The following STK17A variants were observed in gnomAD, a reference collection of about 807,000 sequenced individuals.
STK17A encodes the protein serine/threonine-protein kinase 17A.
A neutral mutation model predicts 43.7 loss-of-function variants in STK17A; 26 were observed. The ratio of observed to expected loss-of-function variants is 0.60; its 90% confidence interval spans 0.44 to 0.83. The LOEUF is 0.83. Ranked by LOEUF, STK17A falls within the 40% of genes least tolerant of loss-of-function variation. The pLI, the probability that STK17A is intolerant of heterozygous loss-of-function variation, is 0.00. For synonymous variants in STK17A, 191 were observed against 182.5 expected, an observed-to-expected ratio of 1.05 and a Z score of -0.38; for missense variants, 476 against 511.6, an observed-to-expected ratio of 0.93 and a Z score of 0.67.
intron 1 of STK17A, among the ~76,000 whole-genome samples, chr7:43,593,899 C>G (rs192304667): frequency 6.6e-6 from 1 of 151,980 alleles, no homozygotes; most frequent in East Asian, 1.9e-4. Flanking sequence ...GATAAAAATT[C>G]AAGGTGGAAA....
At chr7:43,591,722 G>A (rs1440509661) in intron 1 of STK17A, among the ~76,000 whole-genome samples, 2 of 151,398 alleles carry the variant, frequency 1.3e-5, no homozygotes, top group African/African-American at 2.4e-5. Context: ...TGGCTGTTCT[G>A]TAACAGGGCT....
intron 1 of STK17A, among the ~76,000 whole-genome samples, chr7:43,586,359 T>TA (rs1447067367): frequency 6.6e-6 from 1 of 151,536 alleles, no homozygotes; most frequent in Non-Finnish European, 1.5e-5. Context: ...GATTCCAGAG[T>TA]AATGACAGGA....
intron 1 of STK17A, among the ~76,000 whole-genome samples, chr7:43,584,569 T>G (rs1344863730): frequency 6.6e-6 from 1 of 152,208 alleles, no homozygotes; most frequent in Admixed American, 6.5e-5. Flanking sequence ...GGAACAGCCT[T>G]CAGCTGGGGT....
intron 2 of STK17A, among the ~76,000 whole-genome samples, chr7:43,607,098 T>G (rs2082604603): frequency 6.6e-6 from 1 of 151,534 alleles, no homozygotes; most frequent in Non-Finnish European, 1.5e-5. Context: ...TAATTTTGTA[T>G]TTTTAGTAGA....
chr7:43,623,339 G>C, intron 4 of STK17A: 1 of 446,132 alleles, frequency 2.2e-6, no homozygotes, highest in Non-Finnish European at 3.9e-6. Flanking sequence ...TAAATATTTT[G>C]TAAAATACTA....
Position 43,593,451 on chromosome 7 carries a change from A to C in STK17A, c.207-2450A>C, listed in dbSNP as rs532081732. Among the ~76,000 whole-genome samples the C allele has an allele frequency of 7.5e-4, 115 of 152,330 alleles. 3 individuals carry two copies. In the South Asian group the frequency reaches 0.023, roughly 31 times the overall value. On this transcript the variant is annotated intron_variant, in intron 1 of 6. Transcript: ENST00000319357. ...AAGTCAAATGGTAGTTCTTTGAGAA[A>C]TCTCTAAACTACTTTCCATAGTGGC...
At chr7:43,608,662 C>G (rs904791764) in intron 3 of STK17A, 1 of 278,464 alleles carries the variant, frequency 3.6e-6, no homozygotes, top group Non-Finnish European at 6.6e-6. Flanking sequence ...TGAGCTAGAT[C>G]TTTTGAAAAG....
chr7:43,599,811 A>C (rs2082543860), intron 2 of STK17A, among the ~76,000 whole-genome samples: 1 of 152,198 alleles, frequency 6.6e-6, no homozygotes, highest in African/African-American at 2.4e-5. Flanking sequence ...ACCAATCATT[A>C]ACTTTAAATC....
intron 2 of STK17A, among the ~76,000 whole-genome samples, chr7:43,607,133 C>T (rs1015960378): frequency 5.3e-5 from 8 of 151,170 alleles, no homozygotes; most frequent in African/African-American, 1.7e-4. Flanking sequence ...ATGTTGGTCA[C>T]GCTGGTCTGG....
chr7:43,608,595 A>C, intron 3 of STK17A, 195 bp downstream of exon 3: 2 of 525,554 alleles, frequency 3.8e-6, no homozygotes, highest in South Asian at 3.1e-5. Context: ...GTACATGGAA[A>C]GATACAAAAT....
rs2082413307 is a variant in STK17A at position 43,583,304 on chromosome 7, G to A, written c.61G>A (p.Gly21Ser). 2 of 1,516,724 alleles carry A rather than the reference G, an allele frequency of 1.3e-6. No homozygotes were observed. The highest frequency in any genetic ancestry group is 1.4e-5 in the African/African-American group (1 of 69,540). 94.0% of individuals were successfully genotyped at this position (1,516,724 alleles called of 1,614,324 possible). The change falls in exon 1 of 7, where the codon GGC becomes AGC. Residue 21 changes from glycine to serine, a missense_variant. Around this residue, in one of 3 missense-constraint regions of STK17A, gnomAD observed 320 missense variants for 326.3 expected, o/e 0.98. Transcript: ENST00000319357. ...CTCCCCAGGCGCCACCTCAGGCTCG[G>A]GCCGGGCAGGCCGGGGTCTGAGCGG... Reference protein sequence around the residue: ...GSSPGATSGSGRAGRGLSGPC... With the variant: ...GSSPGATSGSSRAGRGLSGPC...
In STK17A at chr7:43,626,798, G is replaced by C. The variant is rs1252798991; in HGVS notation, c.*1956G>C. 6.6e-6 allele frequency: 1 copy of C among 152,122 alleles called. No individual in the cohort carries two copies. The highest frequency in any genetic ancestry group is 1.5e-5 in the Non-Finnish European group (1 of 68,010). 9.4% of individuals were successfully genotyped at this position (152,122 alleles called of 1,614,324 possible). A position where few individuals can be genotyped will look rare whatever the true frequency, so the allele number is the denominator to read the frequency against. On this transcript the variant is annotated 3_prime_UTR_variant, in exon 7 of 7. Coordinates refer to ENST00000319357, the MANE Select transcript of STK17A (RefSeq NM_004760.3). ...TATATTTAATATAATTGCTGTATTTGTGAGAAAGATCTGTTTTCTTTTAGC... is the reference window on the plus strand; with the variant it reads ...TATATTTAATATAATTGCTGTATTTCTGAGAAAGATCTGTTTTCTTTTAGC...
chr7:43,602,860 G>A (rs760093078), intron 2 of STK17A, among the ~76,000 whole-genome samples: 16 of 152,062 alleles, frequency 1.1e-4, no homozygotes, highest in Non-Finnish European at 2.2e-4. Flanking sequence ...GTGTCCAACT[G>A]CAGATCATTA....
intron 4 of STK17A, chr7:43,622,629 T>C (rs2084025375): frequency 6.6e-6 from 1 of 152,166 alleles, no homozygotes; most frequent in African/African-American, 2.4e-5. Flanking sequence ...TCCTGAATCC[T>C]TGCATATTTG....
At position 43,583,155 on chromosome 7, in the gene STK17A, G is replaced by C; in HGVS notation, c.-89G>C. 3.3e-5 allele frequency: 47 copies of C among 1,409,838 alleles called. No homozygotes were observed. The highest frequency in any genetic ancestry group is 4.4e-5 in the Non-Finnish European group (46 of 1,043,332). 87.3% of individuals were successfully genotyped at this position (1,409,838 alleles called of 1,614,324 possible). ...GAGAGCGGGTGTTTGAAGGCTCCGCGGACCGGCACTAGGAGCCGGGGGCGG... is the reference window on the plus strand; with the variant it reads ...GAGAGCGGGTGTTTGAAGGCTCCGCCGACCGGCACTAGGAGCCGGGGGCGG... On this transcript the variant is annotated 5_prime_UTR_variant, in exon 1 of 7. Coordinates refer to ENST00000319357, the MANE Select transcript of STK17A (RefSeq NM_004760.3).
At chr7:43,583,512 G>C in intron 1 of STK17A, 63 bp downstream of exon 1, 1 of 1,220,388 alleles carries the variant, frequency 8.2e-7, no homozygotes, top group Non-Finnish European at 1.0e-6. Flanking sequence ...CGTGGGCGCC[G>C]ATAAGTGCCG....
Position 43,626,872 on chromosome 7 carries a change from A to G in STK17A, c.*2030A>G, listed in dbSNP as rs1305918297. ...TCTTTAGCTGCTGTTGTGCTTAAAT[A>G]CTGAGTCATAGGGTGCTTTTTTAAG... On this transcript the variant is annotated 3_prime_UTR_variant, in exon 7 of 7. Transcript: ENST00000319357. 1 of 152,178 alleles carries G rather than the reference A, an allele frequency of 6.6e-6. No individual in the cohort carries two copies. Among genetic ancestry groups the G allele is most frequent in the Non-Finnish European group, 1.5e-5 (1 of 68,034 alleles). The allele number at this position is 152,178 out of a possible 1,614,324, so 9.4% of individuals were successfully genotyped here.
In STK17A at chr7:43,626,256, A is replaced by G. The variant is rs1056727705; in HGVS notation, c.*1414A>G. The G allele has an allele frequency of 2.6e-5, 4 of 152,250 alleles. No homozygotes were observed. Among genetic ancestry groups the G allele is most frequent in the African/African-American group, 9.6e-5 (4 of 41,466 alleles). The allele number at this position is 152,250 out of a possible 1,614,324, so 9.4% of individuals were successfully genotyped here. A position where few individuals can be genotyped will look rare whatever the true frequency, so the allele number is the denominator to read the frequency against. On this transcript the variant is annotated 3_prime_UTR_variant, in exon 7 of 7. Coordinates refer to ENST00000319357, the MANE Select transcript of STK17A (RefSeq NM_004760.3). ...TGGTTTCTCAACTGTCAAAATCATGAAAATGACAGCACCTAACCACTATTT... is the reference window on the plus strand; with the variant it reads ...TGGTTTCTCAACTGTCAAAATCATGGAAATGACAGCACCTAACCACTATTT...
chr7:43,608,091 G>C (rs2082626792), intron 2 of STK17A, among the ~76,000 whole-genome samples, 165 bp from the exon 3 acceptor site: 1 of 152,100 alleles, frequency 6.6e-6, no homozygotes, highest in Non-Finnish European at 1.5e-5. Context: ...AGACCAGCCT[G>C]GGCAACATAG....
Sources: allele counts gnomAD v4.1 joint callset (sites outside exome capture counted in the v4.1 genomes callset), GRCh38; gene constraint gnomAD v4.1.1; regional missense constraint gnomAD v4.1.1; transcripts MANE v1.5; gene names NCBI Gene and HGNC (gene_info 2026-07-23, HGNC 2026-07-21).